FLOT1: variants seen among roughly 807,000 people sequenced by gnomAD.
FLOT1 encodes the protein flotillin-1.
In FLOT1, 40 loss-of-function variants were observed where a neutral mutation model predicts 58.4. That is an observed-to-expected ratio of 0.69 (90% CI 0.53 to 0.89). FLOT1 has a LOEUF of 0.89. Ranked by LOEUF, FLOT1 falls within the 40% of genes least tolerant of loss-of-function variation. The probability of loss-of-function intolerance (pLI) is 0.00; values close to 1 mark genes in which losing one functional copy is unlikely to be tolerated. For missense variants in FLOT1, 423 were observed against 540.8 expected, an observed-to-expected ratio of 0.78 and a Z score of 2.16; for synonymous variants, 178 against 204.2, an observed-to-expected ratio of 0.87 and a Z score of 1.09.
At chr6:30,735,629 C>A (rs547945186) in intron 8 of FLOT1, among the ~76,000 whole-genome samples, 12 of 151,902 alleles carry the variant, frequency 7.9e-5, no homozygotes, top group Non-Finnish European at 1.6e-4. Flanking sequence ...GAGTGAGAGA[C>A]CCTGTCTCAA....
chr6:30,741,327 T>C lies in FLOT1; in HGVS notation c.217A>G (p.Ile73Val). 6.2e-7 allele frequency: 1 copy of C among 1,613,008 alleles called. No individual in the cohort carries two copies. Among genetic ancestry groups the C allele is most frequent in the Non-Finnish European group, 8.5e-7 (1 of 1,180,030 alleles). ...ISVTGIAQVK[I>V]QGQNKEMLAA... is the part of the protein sequence containing the mutation. ...AACATCTCCTTGTTCTGCCCCTGGATTTTTACCTGTAGCCAGAGTAGGGGT... is the reference window on the plus strand; with the variant it reads ...AACATCTCCTTGTTCTGCCCCTGGACTTTTACCTGTAGCCAGAGTAGGGGT... The change falls in exon 5 of 13, where the codon ATC (isoleucine) becomes GTC (valine). Residue 73 changes from isoleucine to valine, a missense_variant. This residue lies in a region of FLOT1 where 91 missense variants were observed against 118.3 expected (regional missense o/e 0.77). Transcript: ENST00000376389. The surrounding 1 kb of genome is among the most constrained non-coding windows in gnomAD (Gnocchi z 5.9).
rs1270336618 is a variant in FLOT1, at chr6:30,741,236, G to A, written c.308C>T (p.Thr103Met). 19 of 1,612,868 alleles carry A rather than the reference G, an allele frequency of 1.2e-5. No homozygotes were observed. The highest frequency in any genetic ancestry group is 1.6e-5 in the Non-Finnish European group (19 of 1,180,012). The change falls in exon 5 of 13, where the codon ACG becomes ATG. Residue 103 changes from threonine (T) to methionine (M), a missense_variant. By Grantham distance (81) the Thr-to-Met change is moderately conservative. Coordinates refer to ENST00000376389, the MANE Select transcript of FLOT1 (RefSeq NM_005803.4). This position sits in a 1 kb window ranked among gnomAD's most constrained non-coding sequence, Gnocchi z 5.9. ...EAEIAHIALE[T>M]LEGHQRAIMA... ...GATGGCCCTCTGGTGGCCCTCTAAC[G>A]TCTCCAGGGCAATGTGGGCAATCTC...
rs568759969 is a variant in FLOT1, at chr6:30,740,189, C to T, written c.692G>A (p.Arg231Gln). 4.2e-5 allele frequency: 67 copies of T among 1,612,850 alleles called. No individual in the cohort carries two copies. Among genetic ancestry groups the T allele is most frequent in the Non-Finnish European group, 4.6e-5 (54 of 1,180,012 alleles). Residue 231 changes from arginine (R) to glutamine (Q), a missense_variant, in exon 8 of 13, where the codon CGA (arginine) becomes CAA (glutamine). Physicochemically the swap from Arg to Gln is conservative, Grantham distance 43. Coordinates refer to ENST00000376389, the MANE Select transcript of FLOT1 (RefSeq NM_005803.4). Reference protein sequence around the residue: ...AAYDIEVNTRRAQADLAYQLQ... With the variant: ...AAYDIEVNTRQAQADLAYQLQ... ...CTGATAGGCCAGGTCAGCCTGTGCTCGGCGGGTGTTGACCTCGATGTCATA... is the reference window on the plus strand; with the variant it reads ...CTGATAGGCCAGGTCAGCCTGTGCTTGGCGGGTGTTGACCTCGATGTCATA...
intron 8 of FLOT1, among the ~76,000 whole-genome samples, chr6:30,739,661 C>T (rs934054085): frequency 4.0e-5 from 6 of 151,736 alleles, no homozygotes; most frequent in Non-Finnish European, 7.4e-5. Flanking sequence ...AGCCACCGCG[C>T]GTGGCCTTTT....
chr6:30,733,596 C>T (rs1045065148), intron 8 of FLOT1, among the ~76,000 whole-genome samples: 1 of 151,480 alleles, frequency 6.6e-6, no homozygotes, highest in Non-Finnish European at 1.5e-5. Context: ...CAAAAATTAG[C>T]CAGCAATGGT....
intron 5 of FLOT1, 159 bp from the exon 6 acceptor site, chr6:30,740,957 T>C (rs1383605681): frequency 5.7e-5 from 69 of 1,211,938 alleles, no homozygotes; most frequent in Non-Finnish European, 7.2e-5. Flanking sequence ...CAGCTAATTT[T>C]TGTATTTGTA....
At chr6:30,738,716 T>C (rs1245263040) in intron 8 of FLOT1, among the ~76,000 whole-genome samples, 2 of 152,186 alleles carry the variant, frequency 1.3e-5, no homozygotes, top group Admixed American at 1.3e-4. Context: ...ACACATGTAT[T>C]TCTCCCATAA....
chr6:30,730,055 A>G lies in FLOT1; in HGVS notation c.1221T>C (p.Ser407=), dbSNP rs1230882080. 1.2e-6 allele frequency: 2 copies of G among 1,612,478 alleles called. No homozygotes were observed. The highest frequency in any genetic ancestry group is 1.7e-6 in the Non-Finnish European group (2 of 1,179,866). The change falls in exon 12 of 13, where the codon AGT becomes AGC. Residue 407 remains serine, a synonymous_variant. Coordinates refer to ENST00000376389, the MANE Select transcript of FLOT1 (RefSeq NM_005803.4). ...TGCTCACGCCTGTGAGTCTTTCCAC[A>G]CTCTCTGGCAGGCGAGTTAGAATGT... is the stretch of plus-strand genomic sequence containing the variant. ...VLDILTRLPE[S]VERLTGVSIS...
At position 30,730,920 on chromosome 6, in the gene FLOT1, T is replaced by G; in HGVS notation, c.904A>C (p.Lys302Gln). Reference protein sequence around the residue: ...YKLERLAEAEKSQLIMQAEAE... With the variant: ...YKLERLAEAEQSQLIMQAEAE... ...CAGGGTCAGGGAGGGGACATTTACT[T>G]CTCTGCCTCGGCTAGGCGCTCCAGC... Residue 302 changes from lysine to glutamine, a missense_variant and splice_region_variant, in exon 9 of 13, where the codon AAG (lysine) becomes CAG (glutamine). By Grantham distance (53) the Lys-to-Gln change is moderately conservative (BLOSUM62 1). This residue lies in a region of FLOT1 where 106 missense variants were observed against 88.4 expected (regional missense o/e 1.20). Transcript: ENST00000376389. The G allele has an allele frequency of 6.2e-7, 1 of 1,611,066 alleles. No individual in the cohort carries two copies.
At position 30,741,470 on chromosome 6, in the gene FLOT1, T is replaced by C; in HGVS notation, c.211-137A>G. The C allele has an allele frequency of 7.6e-7, 1 of 1,315,156 alleles. No individual in the cohort carries two copies. Among genetic ancestry groups the C allele is most frequent in the African/African-American group, 1.5e-5 (1 of 68,602 alleles). 81.5% of individuals were successfully genotyped at this position (1,315,156 alleles called of 1,614,324 possible). A position where few individuals can be genotyped will look rare whatever the true frequency, so the allele number is the denominator to read the frequency against. On this transcript the variant is annotated intron_variant, in intron 4 of 12. Transcript: ENST00000376389. The surrounding 1 kb of genome is among the most constrained non-coding windows in gnomAD (Gnocchi z 5.9). Reference sequence around the variant, plus strand: ...AGAAAGGAGGAGGAGGCAAGTGCCTTGGGGTGCCTGGAAAAGATGAGACTA... The same window carrying C: ...AGAAAGGAGGAGGAGGCAAGTGCCTCGGGGTGCCTGGAAAAGATGAGACTA...
rs565818789 is a variant in FLOT1, at chr6:30,733,974, C to T, written c.724-2874G>A. Among the ~76,000 whole-genome samples the T allele has an allele frequency of 3.4e-5, 5 of 145,296 alleles. No homozygotes were observed. The South Asian group carries it at 1.1e-3, about 32-fold the overall frequency. On this transcript the variant is annotated intron_variant, in intron 8 of 12. Coordinates refer to ENST00000376389, the MANE Select transcript of FLOT1 (RefSeq NM_005803.4). ...GGCTGAGGTGGGAGAATCACTTGAG[C>T]CTGGGAGGTTGAGGTTACAGTGAGC... is the stretch of plus-strand genomic sequence containing the variant.
At chr6:30,740,834 GTTTTTTTTTTTT>G in intron 5 of FLOT1, 36 bp from the exon 6 acceptor site, 2 of 1,314,028 alleles carry the variant, frequency 1.5e-6, no homozygotes, top group Admixed American at 3.0e-5. Context: ...AGGGATGTAA[GTTTTTTTTTTTT>G]TTTTTTTTTT....
chr6:30,730,497 C>A lies in FLOT1; in HGVS notation c.1020G>T (p.Lys340Asn), dbSNP rs759076151. ...RARAEAEQMA[K>N]KAEAFQLYQE... ...GGTACAGCTGGAAGGCTTCTGCCTT[C>A]TTGGCCATCTGCTCAGCCTCGGCTC... The change falls in exon 11 of 13, where the codon AAG becomes AAT. Residue 340 changes from lysine to asparagine, a missense_variant. Coordinates refer to ENST00000376389, the MANE Select transcript of FLOT1 (RefSeq NM_005803.4). 22 of 1,610,562 alleles carry A rather than the reference C, an allele frequency of 1.4e-5. No individual in the cohort carries two copies. The South Asian group carries it at 1.7e-4, about 12-fold the overall frequency.
In FLOT1 at chr6:30,740,320, C is replaced by G; in HGVS notation, c.571-10G>C. 6.2e-7 allele frequency: 1 copy of G among 1,612,920 alleles called. No individual in the cohort carries two copies. Among genetic ancestry groups the G allele is most frequent in the Non-Finnish European group, 8.5e-7 (1 of 1,179,950 alleles). On this transcript the variant is annotated splice_polypyrimidine_tract_variant and intron_variant, in intron 7 of 12. Coordinates refer to ENST00000376389, the MANE Select transcript of FLOT1 (RefSeq NM_005803.4). Reference sequence around the variant, plus strand: ...GCTTGGCTTTAGCTTCCTGTCCAAGCAGAGATCAGGTAGGAAATGTCAGGG... The same window carrying G: ...GCTTGGCTTTAGCTTCCTGTCCAAGGAGAGATCAGGTAGGAAATGTCAGGG...
rs1777969604 is a variant in FLOT1, at chr6:30,741,416, C to G, written c.211-83G>C. The stretch of plus-strand genomic sequence containing the variant: ...AAGCAGAGAGAGAAGGGAGAGCCCT[C>G]TAAGAAATGCTTCTTCCATTTCAGG... On this transcript the variant is annotated intron_variant, in intron 4 of 12. Coordinates refer to ENST00000376389, the MANE Select transcript of FLOT1 (RefSeq NM_005803.4). The surrounding 1 kb of genome is among the most constrained non-coding windows in gnomAD (Gnocchi z 5.9). The G allele has an allele frequency of 1.3e-6, 2 of 1,539,406 alleles. No homozygotes were observed. The highest frequency in any genetic ancestry group is 1.7e-5 in the Admixed American group (1 of 57,950).
chr6:30,730,828 A>AT, intron 9 of FLOT1, 91 bp downstream of exon 9: 1 of 1,597,730 alleles, frequency 6.3e-7, no homozygotes, highest in South Asian at 1.1e-5. Context: ...CCTGAAATCC[A>AT]TAGGAGTCCA....
intron 12 of FLOT1, 35 bp downstream of exon 12, chr6:30,729,987 T>TA (rs1344138366): frequency 6.2e-7 from 1 of 1,602,230 alleles, no homozygotes; most frequent in East Asian, 2.2e-5. Flanking sequence ...CACAGGAACC[T>TA]AGCAATTCTC....
chr6:30,730,429 T>C lies in FLOT1; in HGVS notation c.1088A>G (p.Gln363Arg). The C allele has an allele frequency of 7.7e-6, 12 of 1,565,882 alleles. No homozygotes were observed. The highest frequency in any genetic ancestry group is 9.5e-6 in the Non-Finnish European group (11 of 1,154,192). Residue 363 changes from glutamine (Q) to arginine (R), a missense_variant and splice_region_variant, in exon 11 of 13, where the codon CAG (glutamine) becomes CGG (arginine). Physicochemically the swap from Gln to Arg is conservative, Grantham distance 43. Transcript: ENST00000376389. ...TTGGTGCCCACATGACCTCCAGACC[T>C]GGGGCAGCTTCTCTAGCAGCATGTC... ...QLDMLLEKLP[Q>R]VAEEISGPLT...
In FLOT1 at chr6:30,742,494, A is replaced by G. The variant is rs116771824; in HGVS notation, c.-15+33T>C. 0.053 allele frequency: 24,108 copies of G among 458,084 alleles called. 1,161 individuals carry two copies. The highest frequency in any genetic ancestry group is 0.16 in the African/African-American group (7,616 of 48,850). 28.4% of individuals were successfully genotyped at this position (458,084 alleles called of 1,614,324 possible). A position where few individuals can be genotyped will look rare whatever the true frequency, so the allele number is the denominator to read the frequency against. On this transcript the variant is annotated intron_variant, in intron 1 of 12. Transcript: ENST00000376389. The surrounding 1 kb of genome is among the most constrained non-coding windows in gnomAD (Gnocchi z 5.2). ...TTCCCCTCTCTCCCTGCTTCTCGGCAGCCCCAGGCTCCATCTCCCCTCCCC... is the reference window on the plus strand; with the variant it reads ...TTCCCCTCTCTCCCTGCTTCTCGGCGGCCCCAGGCTCCATCTCCCCTCCCC...
Sources: allele counts gnomAD v4.1 joint callset (sites outside exome capture counted in the v4.1 genomes callset), GRCh38; gene constraint gnomAD v4.1.1; regional missense constraint gnomAD v4.1.1; non-coding constraint Gnocchi (gnomAD v3.1); transcripts MANE v1.5; gene names NCBI Gene and HGNC (gene_info 2026-07-23, HGNC 2026-07-21).